The following GGH variants were observed in gnomAD, a reference collection of about 807,000 sequenced individuals.
GGH encodes gamma-Glu-X carboxypeptidase.
GGH carries 18 observed loss-of-function variants against 39.2 expected under a neutral mutation model. The observed-to-expected ratio is 0.46, with a 90% CI of 0.32 to 0.68. GGH has a LOEUF of 0.68. Ranked by LOEUF, GGH falls within the 30% of genes least tolerant of loss-of-function variation. GGH has a pLI of 0.04. For missense variants in GGH, 367 were observed against 384.1 expected, an observed-to-expected ratio of 0.96 and a Z score of 0.37; for synonymous variants, 147 against 138.8, an observed-to-expected ratio of 1.06 and a Z score of -0.42.
chr8:63,032,329 C>T (rs1804822156), intron 2 of GGH, among the ~76,000 whole-genome samples: 1 of 152,174 alleles, frequency 6.6e-6, no homozygotes, highest in Non-Finnish European at 1.5e-5. Flanking sequence ...AGCCACCGCG[C>T]CCAGCCTGAT....
At chr8:63,033,732 T>C (rs1804847165) in intron 2 of GGH, among the ~76,000 whole-genome samples, 1 of 152,018 alleles carries the variant, frequency 6.6e-6, no homozygotes, top group African/African-American at 2.4e-5. Flanking sequence ...GTCACCCAGG[T>C]AGTGAGCACA....
At chr8:63,038,600 G>GGGGCC in intron 1 of GGH, 60 bp downstream of exon 1, 2 of 883,524 alleles carry the variant, frequency 2.3e-6, no homozygotes, top group Non-Finnish European at 1.6e-6. Flanking sequence ...GCGGCGGGAG[G>GGGGCC]CGCCCAGCGC....
Position 63,026,150 on chromosome 8 carries a change from A to T in GGH, c.499+8T>A, listed in dbSNP as rs763688329. ...TATTTTTCAAAGGGTTGAAAAGAGT[A>T]CTCTTACCTCCAGTGAAGTTCAGCG... is the stretch of plus-strand genomic sequence containing the variant. On this transcript the variant is annotated splice_region_variant and intron_variant, in intron 5 of 8. Transcript: ENST00000260118. The T allele has an allele frequency of 1.9e-6, 3 of 1,581,296 alleles. No individual in the cohort carries two copies. The highest frequency in any genetic ancestry group is 2.6e-6 in the Non-Finnish European group (3 of 1,168,830).
chr8:63,021,727 T>A (rs1426431220), intron 7 of GGH, among the ~76,000 whole-genome samples: 1 of 141,484 alleles, frequency 7.1e-6, no homozygotes, highest in Non-Finnish European at 1.5e-5. Context: ...CAGGCTGGAG[T>A]GCAGTGTGCA....
intron 5 of GGH, chr8:63,025,169 C>G (rs1365721807): frequency 1.3e-5 from 2 of 152,056 alleles, no homozygotes; most frequent in African/African-American, 4.8e-5. Context: ...CTTCTAAAAC[C>G]CTTGGAATTC....
intron 7 of GGH, among the ~76,000 whole-genome samples, chr8:63,020,740 AC>A (rs1330823631): frequency 6.6e-6 from 1 of 152,184 alleles, no homozygotes; most frequent in African/African-American, 2.4e-5. Context: ...CGTGCAGGGT[AC>A]AAGCTAGAGG....
At chr8:63,033,937 A>G (rs915707829) in intron 2 of GGH, among the ~76,000 whole-genome samples, 3 of 149,714 alleles carry the variant, frequency 2.0e-5, no homozygotes, top group African/African-American at 7.4e-5. Flanking sequence ...GCAGCAAAGG[A>G]TATGATTTCA....
At chr8:63,025,000 G>C (rs1209026513) in intron 5 of GGH, 1 of 152,210 alleles carries the variant, frequency 6.6e-6, no homozygotes, top group African/African-American at 2.4e-5. Flanking sequence ...AAGTATGACT[G>C]CTACCTTCCT....
At chr8:63,023,329 C>A (rs1476908038) in intron 7 of GGH, among the ~76,000 whole-genome samples, 1 of 152,188 alleles carries the variant, frequency 6.6e-6, no homozygotes, top group Non-Finnish European at 1.5e-5. Context: ...ATGGGCAATT[C>A]TCCTTGCCAT....
intron 8 of GGH, 94 bp downstream of exon 8, chr8:63,017,399 C>T: frequency 1.3e-6 from 1 of 756,730 alleles, no homozygotes. Flanking sequence ...ACTTACAAAA[C>T]ATTTATAGAG....
In GGH at chr8:63,026,163, G is replaced by A. The variant is rs2129655971; in HGVS notation, c.494C>T (p.Thr165Ile). ...GTTGAAAAGAGTACTCTTACCTCCA[G>A]TGAAGTTCAGCGGCATTGCCACGTC... ...TVDVAMPLNF[T>I]GGQLHSRMFQ... Residue 165 changes from threonine (T) to isoleucine (I), a missense_variant, in exon 5 of 9, where the codon ACT becomes ATT. Transcript: ENST00000260118. The A allele has an allele frequency of 6.3e-7, 1 of 1,596,226 alleles. No individual in the cohort carries two copies. The highest frequency in any genetic ancestry group is 8.5e-7 in the Non-Finnish European group (1 of 1,174,092).
Position 63,032,273 on chromosome 8 carries a change from C to T in GGH, c.225-2056G>A, listed in dbSNP as rs148063931. The stretch of plus-strand genomic sequence containing the variant: ...CTGGTCTCAAACTCATGAACTTAAG[C>T]GATCTTCCCACCTCAGCCTCCCAAA... On this transcript the variant is annotated intron_variant, in intron 2 of 8. Coordinates refer to ENST00000260118, the MANE Select transcript of GGH (RefSeq NM_003878.3). Among the ~76,000 whole-genome samples the T allele has an allele frequency of 2.8e-3, 427 of 152,170 alleles. 2 individuals carry two copies. Among genetic ancestry groups the T allele is most frequent in the African/African-American group, 9.8e-3 (405 of 41,516 alleles).
chr8:63,032,325 C>T (rs971755902), intron 2 of GGH, among the ~76,000 whole-genome samples: 11 of 152,130 alleles, frequency 7.2e-5, no homozygotes, highest in African/African-American at 2.4e-4. Flanking sequence ...CGTGAGCCAC[C>T]GCGCCCAGCC....
chr8:63,026,083 T>A (rs2129655485), intron 5 of GGH, 75 bp downstream of exon 5: 1 of 1,209,604 alleles, frequency 8.3e-7, no homozygotes, highest in Non-Finnish European at 1.2e-6. Flanking sequence ...AAATAAGCAC[T>A]TTTACTTTCA....
At position 63,026,132 on chromosome 8, in the gene GGH, CAAAGGGTTGA is replaced by C; in HGVS notation, c.499+16_499+25del. ...CTAATCCTGCCCAGCAAATATTTTTCAAAGGGTTGAAAAGAGTACTCTTACCTCCAGTGAA... is the reference window on the plus strand; with the variant it reads ...CTAATCCTGCCCAGCAAATATTTTTCAAAGAGTACTCTTACCTCCAGTGAA... On this transcript the variant is annotated intron_variant, in intron 5 of 8. Coordinates refer to ENST00000260118, the MANE Select transcript of GGH (RefSeq NM_003878.3). The C allele has an allele frequency of 6.6e-7, 1 of 1,524,632 alleles. No individual in the cohort carries two copies. Among genetic ancestry groups the C allele is most frequent in the Non-Finnish European group, 8.8e-7 (1 of 1,139,220 alleles). The allele number at this position is 1,524,632 out of a possible 1,614,324, so 94.4% of individuals were successfully genotyped here. A position where few individuals can be genotyped will look rare whatever the true frequency, so the allele number is the denominator to read the frequency against.
intron 1 of GGH, among the ~76,000 whole-genome samples, chr8:63,036,196 G>A (rs1013521099): frequency 6.6e-5 from 10 of 152,096 alleles, no homozygotes; most frequent in Non-Finnish European, 1.5e-4. Flanking sequence ...CTTAGCCCAA[G>A]CTATCAATAT....
intron 3 of GGH, among the ~76,000 whole-genome samples, chr8:63,029,813 C>T (rs563076254): frequency 2.6e-5 from 4 of 152,036 alleles, no homozygotes; most frequent in Non-Finnish European, 4.4e-5. Flanking sequence ...AAATCAACAT[C>T]CTCAGACTTT....
chr8:63,019,363 A>G (rs187175954), intron 7 of GGH, among the ~76,000 whole-genome samples: 2 of 152,356 alleles, frequency 1.3e-5, no homozygotes, highest in East Asian at 3.9e-4. Flanking sequence ...CAAACTTTCC[A>G]TTCGATCGGT....
chr8:63,018,919 C>T (rs1804537081), intron 7 of GGH, among the ~76,000 whole-genome samples: 1 of 151,948 alleles, frequency 6.6e-6, no homozygotes, highest in Non-Finnish European at 1.5e-5. Context: ...TTTTTTTGCA[C>T]CAAAATAAAC....
Sources: gnomAD v4.1 joint callset for allele counts (sites outside exome capture counted in the v4.1 genomes callset) on GRCh38, gnomAD v4.1.1 for gene constraint, MANE v1.5 for transcripts, NCBI Gene and HGNC (gene_info 2026-07-23, HGNC 2026-07-21) for gene names.